Variants in PRRC2C observed in about 807,000 individuals in gnomAD.
The protein encoded by PRRC2C is protein PRRC2C.
Under a neutral mutation model 317.2 loss-of-function variants are expected in PRRC2C, and 72 were observed. That is an observed-to-expected ratio of 0.23 (90% CI 0.19 to 0.28). The LOEUF is 0.28. Ranked by LOEUF, PRRC2C falls within the 10% of genes least tolerant of loss-of-function variation. The pLI is 1.00. For synonymous variants in PRRC2C, 1,296 were observed against 1,205.9 expected, an observed-to-expected ratio of 1.07 and a Z score of -1.55; for missense variants, 3,074 against 3,459.7, an observed-to-expected ratio of 0.89 and a Z score of 2.80.
intron 1 of PRRC2C, among the ~76,000 whole-genome samples, chr1:171,507,349 G>A (rs546150258): frequency 2.0e-5 from 3 of 152,206 alleles, no homozygotes; most frequent in Non-Finnish European, 2.9e-5. Flanking sequence ...AGTGGCTCAC[G>A]TCTGTAATCG....
At position 171,557,470 on chromosome 1, in the gene PRRC2C, GGTTCCAGCCTCAACTTTAGCTCCA is replaced by G; in HGVS notation, c.5363_5386del (p.Pro1788_Val1795del). The G allele has an allele frequency of 6.4e-7, 1 of 1,550,670 alleles. No individual in the cohort carries two copies. On this transcript the variant is annotated inframe_deletion, in exon 19 of 35. Coordinates refer to ENST00000647382, the MANE Select transcript of PRRC2C (RefSeq NM_001387844.1). Reference sequence around the variant, plus strand: ...CAGTTCCAGCCTCAACCTCAGCTCCGGTTCCAGCCTCAACTTTAGCTCCAGTTCTGGCCTCAACCTCAGCTCCAG... The same window carrying G: ...CAGTTCCAGCCTCAACCTCAGCTCCGGTTCTGGCCTCAACCTCAGCTCCAG...
At chr1:171,526,444 T>G (rs573796230) in intron 10 of PRRC2C, among the ~76,000 whole-genome samples, 40 of 152,182 alleles carry the variant, frequency 2.6e-4, no homozygotes, top group African/African-American at 9.4e-4. Context: ...CTCAAGAGAT[T>G]CTTGTGCCTC....
chr1:171,536,011 G>C lies in PRRC2C; in HGVS notation c.2044-18G>C. On this transcript the variant is annotated intron_variant, in intron 13 of 34. Transcript: ENST00000647382. ...ATGTGGAACTAAACTCTCAAGATAT[G>C]GGATCTTACTTTTTCAGGAACAGAT... is the stretch of plus-strand genomic sequence containing the variant. 2 of 1,551,766 alleles carry C rather than the reference G, an allele frequency of 1.3e-6. No homozygotes were observed. Among genetic ancestry groups the C allele is most frequent in the Non-Finnish European group, 1.7e-6 (2 of 1,146,798 alleles).
intron 5 of PRRC2C, among the ~76,000 whole-genome samples, chr1:171,516,438 T>C (rs1470309279): frequency 2.0e-5 from 3 of 152,216 alleles, no homozygotes; most frequent in Non-Finnish European, 4.4e-5. Context: ...TGTTTACAAA[T>C]TCCATATTTC....
At position 171,591,909 on chromosome 1, in the gene PRRC2C, A is replaced by G; in HGVS notation, c.*62A>G. The G allele has an allele frequency of 1.9e-5, 29 of 1,512,442 alleles. No individual in the cohort carries two copies. Among genetic ancestry groups the G allele is most frequent in the Non-Finnish European group, 2.6e-5 (29 of 1,122,252 alleles). The allele number at this position is 1,512,442 out of a possible 1,614,324, so 93.7% of individuals were successfully genotyped here. ...GGGAAAACATGGAGAATTAAGTCAGATAATGCTGGCAGCCAAAGGGGCAAA... is the reference window on the plus strand; with the variant it reads ...GGGAAAACATGGAGAATTAAGTCAGGTAATGCTGGCAGCCAAAGGGGCAAA... On this transcript the variant is annotated 3_prime_UTR_variant, in exon 35 of 35. Transcript: ENST00000647382.
At chr1:171,497,508 A>G (rs538942674) in intron 1 of PRRC2C, among the ~76,000 whole-genome samples, 5 of 152,122 alleles carry the variant, frequency 3.3e-5, no homozygotes, top group East Asian at 3.9e-4. Flanking sequence ...TACTCTGTCT[A>G]TTGCCGAGGC....
In PRRC2C at chr1:171,591,552, G is replaced by A. The variant is rs773474085; in HGVS notation, c.8437-35G>A. 7 of 1,599,422 alleles carry A rather than the reference G, an allele frequency of 4.4e-6. No homozygotes were observed. In the East Asian group the frequency reaches 1.6e-4, roughly 36 times the overall value. ...TGATTTGACAGGCTTTGGTAATGCTGCAGTATTTTCAGTTGTTCTTTCTCA... is the reference window on the plus strand; with the variant it reads ...TGATTTGACAGGCTTTGGTAATGCTACAGTATTTTCAGTTGTTCTTTCTCA... On this transcript the variant is annotated intron_variant, in intron 34 of 34. Transcript: ENST00000647382.
At chr1:171,508,077 A>G (rs1054618946) in intron 1 of PRRC2C, among the ~76,000 whole-genome samples, 42 of 152,232 alleles carry the variant, frequency 2.8e-4, no homozygotes, top group African/African-American at 9.9e-4. Flanking sequence ...TTAAAAGATC[A>G]TGTCATCTGC....
At chr1:171,555,073 A>G (rs1174237219) in intron 18 of PRRC2C, among the ~76,000 whole-genome samples, 1 of 152,064 alleles carries the variant, frequency 6.6e-6, no homozygotes, top group Non-Finnish European at 1.5e-5. Flanking sequence ...ACTTGGTTCC[A>G]TTCTCCCCGT....
At chr1:171,546,893 C>G (rs569459757) in intron 17 of PRRC2C, among the ~76,000 whole-genome samples, 1 of 151,826 alleles carries the variant, frequency 6.6e-6, no homozygotes, top group East Asian at 2.0e-4. Flanking sequence ...GCTGGGATTA[C>G]GGGCATGAGC....
chr1:171,560,867 A>C (rs944354820), intron 19 of PRRC2C, 151 bp from the exon 20 acceptor site: 2 of 707,424 alleles, frequency 2.8e-6, no homozygotes, highest in East Asian at 2.5e-5. Flanking sequence ...GTTGATACAT[A>C]ATAATCTTTG....
intron 23 of PRRC2C, among the ~76,000 whole-genome samples, chr1:171,570,569 C>T (rs921472116): frequency 6.6e-6 from 1 of 152,094 alleles, no homozygotes. Flanking sequence ...TTTTCCTGAA[C>T]AACTGAACGA....
chr1:171,489,862 T>C (rs181904868), intron 1 of PRRC2C, among the ~76,000 whole-genome samples: 145 of 152,292 alleles, frequency 9.5e-4, no homozygotes, highest in African/African-American at 3.4e-3. Flanking sequence ...ATCTGCCTGT[T>C]ACTTAATATT....
At position 171,574,999 on chromosome 1, in the gene PRRC2C, G is replaced by C; in HGVS notation, c.6826G>C (p.Ala2276Pro). ...REKGSPVTST[A>P]PPIATGVSSS... is the part of the protein sequence containing the mutation. ...AAAGGGGTCTCCAGTAACTTCCACA[G>C]CACCTCCAATTGCAACTGGAGTCAG... is the stretch of plus-strand genomic sequence containing the variant. Residue 2276 changes from alanine to proline, a missense_variant, in exon 25 of 35, where the codon GCA (alanine) becomes CCA (proline). Around this residue, in one of 11 missense-constraint regions of PRRC2C, gnomAD observed 490 missense variants for 663.1 expected, o/e 0.74. Transcript: ENST00000647382. 1 of 1,613,862 alleles carries C rather than the reference G, an allele frequency of 6.2e-7. No homozygotes were observed. The highest frequency in any genetic ancestry group is 8.5e-7 in the Non-Finnish European group (1 of 1,179,854).
At chr1:171,515,883 C>T in intron 5 of PRRC2C, 24 bp downstream of exon 5, 2 of 1,563,566 alleles carry the variant, frequency 1.3e-6, no homozygotes, top group East Asian at 2.3e-5. Flanking sequence ...CTCTTTAATA[C>T]AAAATGAGAT....
chr1:171,509,330 G>A (rs1372016574), intron 1 of PRRC2C, among the ~76,000 whole-genome samples: 2 of 152,222 alleles, frequency 1.3e-5, no homozygotes, highest in African/African-American at 4.8e-5. Context: ...TAAACAGGCA[G>A]TGTGGGGATA....
rs372571525 is a variant in PRRC2C, at chr1:171,512,984, T to C, written c.113-11T>C. 305 of 1,592,884 alleles carry C rather than the reference T, an allele frequency of 1.9e-4. No individual in the cohort carries two copies. Among genetic ancestry groups the C allele is most frequent in the Middle Eastern group, 1.7e-3 (10 of 6,018 alleles). On this transcript the variant is annotated splice_polypyrimidine_tract_variant and intron_variant, in intron 2 of 34. Coordinates refer to ENST00000647382, the MANE Select transcript of PRRC2C (RefSeq NM_001387844.1). Reference sequence around the variant, plus strand: ...AGATGTTCTAAGAAAGTTGATGTTATTGATCTTTAGTTGCAGCTCGACATG... The same window carrying C: ...AGATGTTCTAAGAAAGTTGATGTTACTGATCTTTAGTTGCAGCTCGACATG...
intron 17 of PRRC2C, among the ~76,000 whole-genome samples, chr1:171,549,480 T>G (rs562407461): frequency 6.6e-6 from 1 of 152,218 alleles, no homozygotes; most frequent in Non-Finnish European, 1.5e-5. Context: ...GGTCATAGGA[T>G]AATTTTGATT....
chr1:171,587,918 A>G (rs1024553243), intron 32 of PRRC2C, among the ~76,000 whole-genome samples, 167 bp downstream of exon 32: 1 of 152,186 alleles, frequency 6.6e-6, no homozygotes, highest in Non-Finnish European at 1.5e-5. Context: ...ATTATTTAAA[A>G]TGTGTTTATT....
Sources: gnomAD v4.1 joint callset for allele counts (sites outside exome capture counted in the v4.1 genomes callset) on GRCh38, gnomAD v4.1.1 for gene constraint, gnomAD v4.1.1 regional missense constraint, MANE v1.5 for transcripts, NCBI Gene and HGNC (gene_info 2026-07-23, HGNC 2026-07-21) for gene names.